The following CSMD3 variants were observed in gnomAD, a reference collection of about 807,000 sequenced individuals.
CSMD3 encodes the protein CUB and sushi domain-containing protein 3.
CSMD3 carries 177 observed loss-of-function variants against 435.2 expected under a neutral mutation model. The observed-to-expected ratio is 0.41, with a 90% CI of 0.36 to 0.46. The LOEUF is 0.46. Ranked by LOEUF, CSMD3 falls within the 20% of genes least tolerant of loss-of-function variation. CSMD3 has a pLI of 0.34. For synonymous variants in CSMD3, 1,656 were observed against 1,520.5 expected (o/e 1.09, Z -2.07); for missense variants, 4,265 against 4,504.6 (o/e 0.95, Z 1.52).
intron 12 of CSMD3, among the ~76,000 whole-genome samples, chr8:112,803,080 C>G (rs1040163858): frequency 1.3e-5 from 2 of 151,908 alleles, no homozygotes; most frequent in Non-Finnish European, 2.9e-5. Context: ...AAATGAACTG[C>G]TGGCATTTAT....
intron 66 of CSMD3, among the ~76,000 whole-genome samples, chr8:112,240,510 G>C (rs531057199): frequency 1.3e-5 from 2 of 151,990 alleles, no homozygotes; most frequent in Non-Finnish European, 2.9e-5. Flanking sequence ...GAGCTTGGTG[G>C]TCCCTCCACT....
chr8:112,784,557 A>G (rs770367809), intron 13 of CSMD3, among the ~76,000 whole-genome samples: 1 of 152,004 alleles, frequency 6.6e-6, no homozygotes, highest in Non-Finnish European at 1.5e-5. Flanking sequence ...ACTCAAACGA[A>G]TAAAATCAGA....
At chr8:112,761,144 C>A (rs983753482) in intron 13 of CSMD3, among the ~76,000 whole-genome samples, 9 of 152,028 alleles carry the variant, frequency 5.9e-5, no homozygotes, top group South Asian at 4.1e-4. Context: ...AATTTATTTA[C>A]TAACATAGAG....
chr8:113,371,594 A>G (rs532900244), intron 1 of CSMD3, among the ~76,000 whole-genome samples: 1 of 152,278 alleles, frequency 6.6e-6, no homozygotes, highest in Non-Finnish European at 1.5e-5. Context: ...GAACTCGGTG[A>G]CAGTGTTTAT....
At chr8:113,378,535 G>A (rs991784768) in intron 1 of CSMD3, among the ~76,000 whole-genome samples, 3 of 152,162 alleles carry the variant, frequency 2.0e-5, no homozygotes, top group Non-Finnish European at 4.4e-5. Flanking sequence ...GACAAGAAAG[G>A]CATTTTAGAA....
chr8:112,801,518 C>T (rs2078961917), intron 12 of CSMD3, among the ~76,000 whole-genome samples: 1 of 152,056 alleles, frequency 6.6e-6, no homozygotes, highest in East Asian at 1.9e-4. Flanking sequence ...CATAATGCAT[C>T]ATGGAACTTC....
intron 4 of CSMD3, among the ~76,000 whole-genome samples, chr8:113,100,604 G>A (rs1048626497): frequency 1.3e-5 from 2 of 151,850 alleles, no homozygotes; most frequent in African/African-American, 4.8e-5. Context: ...TCAGATTAAA[G>A]AAAAAAATCC....
rs1179885640 is a variant in CSMD3 at position 112,886,854 on chromosome 8, C to T, written c.1634-27588G>A. ...TATAATGACTGATACAATGTAAATG[C>T]TATATAAATAATTGTTATACTCTCT... On this transcript the variant is annotated intron_variant, in intron 10 of 70. Coordinates refer to ENST00000297405, the MANE Select transcript of CSMD3 (RefSeq NM_198123.2). 2.0e-5 allele frequency among the ~76,000 whole-genome samples: 3 copies of T among 151,410 alleles called. No individual in the cohort carries two copies. In the East Asian group the frequency reaches 5.9e-4, roughly 30 times the overall value.
chr8:112,689,710 A>G (rs184684930), intron 14 of CSMD3, among the ~76,000 whole-genome samples, 158 bp downstream of exon 14: 256 of 152,252 alleles, frequency 1.7e-3, no homozygotes, highest in African/African-American at 6.0e-3. Context: ...TAAAATTTAT[A>G]ATTTGGCATA....
chr8:112,693,587 G>A (rs1334900940), intron 13 of CSMD3, among the ~76,000 whole-genome samples: 1 of 151,772 alleles, frequency 6.6e-6, no homozygotes, highest in African/African-American at 2.4e-5. Flanking sequence ...TAAGAGCTAG[G>A]ATTCCTTTTC....
intron 1 of CSMD3, among the ~76,000 whole-genome samples, chr8:113,427,003 T>G (rs940261746): frequency 6.6e-6 from 1 of 151,416 alleles, no homozygotes; most frequent in African/African-American, 2.4e-5. Flanking sequence ...ATCCTATGAC[T>G]AATACAAATG....
At chr8:112,410,650 GTGTATATATA>G (rs1563913278) in intron 32 of CSMD3, among the ~76,000 whole-genome samples, 2 of 73,840 alleles carry the variant, frequency 2.7e-5, no homozygotes, top group South Asian at 4.0e-4. Flanking sequence ...ATATATATAT[GTGTATATATA>G]TGTATATATA....
intron 4 of CSMD3, among the ~76,000 whole-genome samples, chr8:113,128,802 A>G (rs1437878302): frequency 6.6e-6 from 1 of 152,082 alleles, no homozygotes; most frequent in East Asian, 1.9e-4. Context: ...AAATTAATAC[A>G]TAGCTACATA....
At chr8:112,614,171 C>T (rs1833491313) in intron 22 of CSMD3, among the ~76,000 whole-genome samples, 1 of 152,066 alleles carries the variant, frequency 6.6e-6, no homozygotes, top group Non-Finnish European at 1.5e-5. Flanking sequence ...ATAGCAAATA[C>T]AGGGCAGGAG....
chr8:112,291,392 CAAT>C, intron 56 of CSMD3, 115 bp downstream of exon 56: 1 of 763,076 alleles, frequency 1.3e-6, no homozygotes, highest in East Asian at 2.7e-5. Flanking sequence ...AACAGTAAAA[CAAT>C]AAAATCAATA....
At chr8:113,187,569 C>T (rs1009261479) in intron 3 of CSMD3, among the ~76,000 whole-genome samples, 4 of 152,024 alleles carry the variant, frequency 2.6e-5, no homozygotes, top group Non-Finnish European at 4.4e-5. Context: ...GCATAAATTT[C>T]GTGTTTCATT....
intron 61 of CSMD3, among the ~76,000 whole-genome samples, chr8:112,258,855 C>T (rs1195622760): frequency 8.6e-5 from 13 of 151,994 alleles, no homozygotes; most frequent in Non-Finnish European, 1.8e-4. Flanking sequence ...CTGGCTGACA[C>T]GGTGAAACCC....
chr8:112,979,893 CA>C (rs2084986484), intron 6 of CSMD3, among the ~76,000 whole-genome samples: 1 of 150,828 alleles, frequency 6.6e-6, no homozygotes, highest in Non-Finnish European at 1.5e-5. Context: ...TGCTATTTAA[CA>C]AAATATTCCT....
At chr8:112,751,251 C>G (rs1342064183) in intron 13 of CSMD3, among the ~76,000 whole-genome samples, 1 of 152,074 alleles carries the variant, frequency 6.6e-6, no homozygotes, top group Non-Finnish European at 1.5e-5. Flanking sequence ...CAGACTAATA[C>G]AGTTCCCAAC....
Sources: allele counts gnomAD v4.1 joint callset (sites outside exome capture counted in the v4.1 genomes callset), GRCh38; gene constraint gnomAD v4.1.1; transcripts MANE v1.5; gene names NCBI Gene and HGNC (gene_info 2026-07-23, HGNC 2026-07-21).